LARGE1: variants seen among roughly 807,000 people sequenced by gnomAD.
The protein encoded by LARGE1 is LARGE xylosyl- and glucuronyltransferase 1, also known as xylosyl- and glucuronyltransferase LARGE1.
LARGE1 carries 43 observed loss-of-function variants against 87.6 expected under a neutral mutation model. The ratio of observed to expected loss-of-function variants is 0.49; its 90% CI spans 0.38 to 0.63. The LOEUF is 0.63. Ranked by LOEUF, LARGE1 falls within the 30% of genes least tolerant of loss-of-function variation. The probability of loss-of-function intolerance (pLI) is 0.00; values close to 1 mark genes in which losing one functional copy is unlikely to be tolerated. For missense variants in LARGE1, 802 were observed against 1,000.2 expected (o/e 0.80, Z 2.67); for synonymous variants, 434 against 394.6 (o/e 1.10, Z -1.18).
intron 7 of LARGE1, among the ~76,000 whole-genome samples, chr22:33,403,175 T>C (rs764408154): frequency 2.0e-5 from 3 of 152,192 alleles, no homozygotes; most frequent in Non-Finnish European, 4.4e-5. Context: ...CAGTGGTGTG[T>C]GTTACTGACT....
chr22:33,704,290 A>G (rs2082491216), intron 2 of LARGE1, among the ~76,000 whole-genome samples: 1 of 152,208 alleles, frequency 6.6e-6, no homozygotes, highest in African/African-American at 2.4e-5. Flanking sequence ...GTGACCCAGT[A>G]CAAGCACGGG....
chr22:33,534,981 G>A (rs1301860940), intron 6 of LARGE1, among the ~76,000 whole-genome samples: 1 of 152,184 alleles, frequency 6.6e-6, no homozygotes, highest in East Asian at 1.9e-4. Flanking sequence ...CTTTACATGA[G>A]CACTTGGCAT....
intron 1 of LARGE1, among the ~76,000 whole-genome samples, chr22:33,841,914 T>G (rs1037930828): frequency 6.6e-6 from 1 of 152,112 alleles, no homozygotes; most frequent in South Asian, 2.1e-4. Context: ...CCAAAAATAG[T>G]GGCAAATTAT....
chr22:33,244,046 T>C (rs1330875743), intron 11 of LARGE1, among the ~76,000 whole-genome samples: 1 of 152,164 alleles, frequency 6.6e-6, no homozygotes, highest in East Asian at 1.9e-4. Context: ...TGGAGTGCAG[T>C]GGCGCGATCT....
At chr22:33,633,957 G>T (rs2080186125) in intron 3 of LARGE1, among the ~76,000 whole-genome samples, 2 of 152,190 alleles carry the variant, frequency 1.3e-5, no homozygotes, top group African/African-American at 4.8e-5. Context: ...AAGCTAAGTG[G>T]CCGCGTGATC....
At chr22:33,580,090 G>A (rs1040628538) in intron 5 of LARGE1, among the ~76,000 whole-genome samples, 1 of 151,544 alleles carries the variant, frequency 6.6e-6, no homozygotes, top group African/African-American at 2.4e-5. Context: ...ACACAAGGCG[G>A]CCGGGCGCAG....
At chr22:33,915,266 C>T (rs2065754005) in intron 1 of LARGE1, among the ~76,000 whole-genome samples, 1 of 152,176 alleles carries the variant, frequency 6.6e-6, no homozygotes, top group African/African-American at 2.4e-5. Flanking sequence ...ACATGCCCAC[C>T]TACCCTCCCA....
the LARGE1 span, among the ~76,000 whole-genome samples, chr22:33,071,404 G>A: frequency 2.0e-5 from 3 of 152,210 alleles, no homozygotes; most frequent in Non-Finnish European, 4.4e-5. Context: ...TAAAGTGTGT[G>A]TCATGATGCT....
chr22:33,840,775 AC>A (rs1378886878), intron 1 of LARGE1, among the ~76,000 whole-genome samples: 1 of 151,006 alleles, frequency 6.6e-6, no homozygotes, highest in Non-Finnish European at 1.5e-5. Context: ...GGCACATGCT[AC>A]CATGACCATC....
At chr22:33,898,668 C>G (rs1326356537) in intron 1 of LARGE1, among the ~76,000 whole-genome samples, 1 of 152,186 alleles carries the variant, frequency 6.6e-6, no homozygotes, top group Non-Finnish European at 1.5e-5. Context: ...GCAGAAGAAT[C>G]GCTTGAACCC....
chr22:33,426,824 C>T (rs958138977), intron 7 of LARGE1, among the ~76,000 whole-genome samples: 2 of 152,200 alleles, frequency 1.3e-5, no homozygotes, highest in Non-Finnish European at 1.5e-5. Context: ...AAACACGATA[C>T]ATTTTATTTT....
chr22:33,512,990 C>T (rs1298526601), intron 6 of LARGE1, among the ~76,000 whole-genome samples: 26 of 152,122 alleles, frequency 1.7e-4, no homozygotes, highest in Admixed American at 1.6e-3. Context: ...TGTGTGACAT[C>T]ACTCCAACCC....
intron 1 of LARGE1, among the ~76,000 whole-genome samples, chr22:33,862,618 G>C (rs1266894290): frequency 1.3e-5 from 2 of 152,190 alleles, no homozygotes; most frequent in Non-Finnish European, 2.9e-5. Flanking sequence ...CCGGACACCT[G>C]GGTCCCAAGA....
intron 12 of LARGE1, among the ~76,000 whole-genome samples, chr22:33,297,271 A>G (rs894947924): frequency 2.0e-5 from 3 of 152,218 alleles, no homozygotes; most frequent in African/African-American, 7.2e-5. Context: ...TGGCATTCCT[A>G]CACAGTGTCA....
chr22:33,833,721 CTT>C (rs1302999400), intron 1 of LARGE1, among the ~76,000 whole-genome samples: 1 of 152,136 alleles, frequency 6.6e-6, no homozygotes, highest in African/African-American at 2.4e-5. Context: ...GAGCTTCACT[CTT>C]GTTGCCCAGG....
chr22:33,252,214 T>C (rs987521482), intron 11 of LARGE1, among the ~76,000 whole-genome samples: 2 of 151,188 alleles, frequency 1.3e-5, no homozygotes, highest in African/African-American at 4.9e-5. Context: ...AAGTTATAAA[T>C]ATTTATAAGC....
At chr22:33,434,823 G>A (rs2147755318) in intron 6 of LARGE1, among the ~76,000 whole-genome samples, 1 of 152,118 alleles carries the variant, frequency 6.6e-6, no homozygotes, top group Non-Finnish European at 1.5e-5. Context: ...GCTCTCCCTT[G>A]GCAGGCATTG....
At chr22:33,756,964 C>T (rs1026636538) in intron 2 of LARGE1, among the ~76,000 whole-genome samples, 1 of 151,838 alleles carries the variant, frequency 6.6e-6, no homozygotes, top group East Asian at 1.9e-4. Context: ...GCCTGAACGG[C>T]GTAGAGCTGG....
At chr22:33,255,573 G>A (rs948284999) in intron 11 of LARGE1, among the ~76,000 whole-genome samples, 2 of 152,156 alleles carry the variant, frequency 1.3e-5, no homozygotes, top group African/African-American at 4.8e-5. Context: ...CAATATTCTC[G>A]TATATCTGAG....
Sources: gnomAD v4.1 joint callset for allele counts (sites outside exome capture counted in the v4.1 genomes callset) on GRCh38, gnomAD v4.1.1 for gene constraint, MANE v1.5 for transcripts, NCBI Gene and HGNC (gene_info 2026-07-23, HGNC 2026-07-21) for gene names.